The following DIAPH2 variants were observed in gnomAD, a reference collection of about 807,000 sequenced individuals.
DIAPH2 encodes the protein protein diaphanous homolog 2.
A neutral mutation model predicts 92.7 loss-of-function variants in DIAPH2; 35 were observed. That is an observed-to-expected ratio of 0.38 (90% CI 0.29 to 0.50). The LOEUF is 0.50. Ranked by LOEUF, DIAPH2 falls within the 20% of genes least tolerant of loss-of-function variation. The probability of loss-of-function intolerance (pLI) is 0.94; values close to 1 mark genes in which losing one functional copy is unlikely to be tolerated. For missense variants in DIAPH2, 701 were observed against 819.5 expected (o/e 0.86, Z 1.77); for synonymous variants, 301 against 280.4 (o/e 1.07, Z -0.73).
intron 26 of DIAPH2, among the ~76,000 whole-genome samples, chrX:97,448,539 C>T (rs1294010387): frequency 8.9e-6 from 1 of 112,007 alleles, no homozygotes; most frequent in Admixed American, 9.5e-5. Context: ...TCAAACCCTC[C>T]TTTTGGAAAA....
chrX:97,385,357 C>CAGGTAGAAACTCACTAAAATGACAAA (rs2069589629), intron 25 of DIAPH2, among the ~76,000 whole-genome samples: 1 of 110,081 alleles, frequency 9.1e-6, no homozygotes, highest in African/African-American at 3.3e-5. Flanking sequence ...CTCAGCCTCC[C>CAGGTAGAAACTCACTAAAATGACAAA]GAGTAGCTGG....
At chrX:97,432,367 C>T (rs2070135802) in intron 26 of DIAPH2, among the ~76,000 whole-genome samples, 1 of 108,823 alleles carries the variant, frequency 9.2e-6, no homozygotes. Context: ...CGATCTCGGC[C>T]CACTGCAACC....
At chrX:97,377,913 G>A (rs768725614) in intron 24 of DIAPH2, among the ~76,000 whole-genome samples, 1 of 108,914 alleles carries the variant, frequency 9.2e-6, no homozygotes, top group South Asian at 3.9e-4. Flanking sequence ...AATTTTAAGT[G>A]TTTTATTTTT....
At chrX:97,293,573 T>A (rs1181477962) in intron 23 of DIAPH2, among the ~76,000 whole-genome samples, 1 of 111,818 alleles carries the variant, frequency 8.9e-6, no homozygotes, top group African/African-American at 3.2e-5. Flanking sequence ...TCTTTATTAT[T>A]ATTTTGTGTA....
chrX:97,036,746 G>A (rs182691768), intron 17 of DIAPH2, among the ~76,000 whole-genome samples: 12 of 111,916 alleles, frequency 1.1e-4, no homozygotes, highest in Admixed American at 2.8e-4. Context: ...AGAGAGAGTC[G>A]ATTGACAAAA....
At chrX:96,817,610 C>T (rs916574459) in intron 4 of DIAPH2, among the ~76,000 whole-genome samples, 2 of 111,278 alleles carry the variant, frequency 1.8e-5, no homozygotes, top group South Asian at 3.9e-4. Flanking sequence ...TTATTTCTCA[C>T]GGTTCTGGAG....
chrX:96,752,463 C>A (rs958700836), intron 3 of DIAPH2, among the ~76,000 whole-genome samples: 14 of 112,132 alleles, frequency 1.2e-4, no homozygotes, highest in African/African-American at 4.5e-4. Context: ...TTTTCAGCTT[C>A]GAGTTTAGAA....
At chrX:97,461,171 C>G (rs1691146548) in intron 26 of DIAPH2, among the ~76,000 whole-genome samples, 1 of 110,370 alleles carries the variant, frequency 9.1e-6, no homozygotes, top group South Asian at 3.9e-4. Context: ...TCGTGTCAGT[C>G]TCTCAGTCTT....
intron 26 of DIAPH2, among the ~76,000 whole-genome samples, chrX:97,587,679 G>T: frequency 8.9e-6 from 1 of 111,820 alleles, no homozygotes; most frequent in East Asian, 2.8e-4. Flanking sequence ...ACTAAAAAAT[G>T]TCATAGTACC....
At chrX:96,738,550 T>A in intron 2 of DIAPH2, 36 bp from the exon 3 acceptor site, 1 of 1,133,066 alleles carries the variant, frequency 8.8e-7, no homozygotes, top group East Asian at 3.0e-5. Flanking sequence ...TTGATCTTTT[T>A]CTCAGGGCTT....
chrX:96,919,304 G>A (rs1033902384), intron 9 of DIAPH2, among the ~76,000 whole-genome samples: 10 of 111,996 alleles, frequency 8.9e-5, no homozygotes, highest in Non-Finnish European at 1.9e-4. Flanking sequence ...AGATATGAAG[G>A]TATTGCTATA....
At chrX:97,187,987 T>G (rs1648783382) in intron 22 of DIAPH2, among the ~76,000 whole-genome samples, 1 of 111,810 alleles carries the variant, frequency 8.9e-6, no homozygotes, top group African/African-American at 3.3e-5. Flanking sequence ...AGTTCTGGAT[T>G]ACTCTGGGTG....
intron 26 of DIAPH2, among the ~76,000 whole-genome samples, chrX:97,460,235 C>T (rs1356185551): frequency 8.9e-6 from 1 of 111,912 alleles, no homozygotes; most frequent in East Asian, 2.8e-4. Flanking sequence ...TAACGAGGCT[C>T]CACCTTAGTG....
At chrX:97,008,828 A>C (rs934571643) in intron 17 of DIAPH2, among the ~76,000 whole-genome samples, 9 of 111,256 alleles carry the variant, frequency 8.1e-5, no homozygotes, top group African/African-American at 2.6e-4. Context: ...GGGGTGATGT[A>C]AATGCTCCTG....
At chrX:96,884,900 A>T (rs1005836154) in intron 5 of DIAPH2, 2 of 1,208,992 alleles carry the variant, frequency 1.7e-6, no homozygotes, top group Non-Finnish European at 2.2e-6. Flanking sequence ...GATGAGAGTC[A>T]CCGCAATTTC....
chrX:96,836,710 TATATA>T (rs1228263836), intron 4 of DIAPH2, among the ~76,000 whole-genome samples: 168 of 25,441 alleles, frequency 6.6e-3, no homozygotes, highest in Non-Finnish European at 9.6e-3. Flanking sequence ...TATATATATA[TATATA>T]TATTTTTTTT....
intron 17 of DIAPH2, among the ~76,000 whole-genome samples, chrX:97,038,491 C>T (rs2066426259): frequency 9.1e-6 from 1 of 109,861 alleles, no homozygotes; most frequent in Admixed American, 9.7e-5. Flanking sequence ...TAAAAGTATT[C>T]CCTTTGTACC....
intron 17 of DIAPH2, among the ~76,000 whole-genome samples, chrX:97,025,867 G>A (rs192463467): frequency 6.3e-5 from 7 of 111,523 alleles, no homozygotes; most frequent in African/African-American, 2.0e-4. Flanking sequence ...CTCCTCCATT[G>A]TGAAAGCTGA....
At chrX:97,367,648 T>A (rs2069393980) in intron 24 of DIAPH2, among the ~76,000 whole-genome samples, 1 of 111,261 alleles carries the variant, frequency 9.0e-6, no homozygotes, top group South Asian at 3.8e-4. Flanking sequence ...CATATACCTA[T>A]AGAGCCAGAA....
Sources: gnomAD v4.1 joint callset for allele counts (sites outside exome capture counted in the v4.1 genomes callset) on GRCh38, gnomAD v4.1.1 for gene constraint, MANE v1.5 for transcripts, NCBI Gene and HGNC (gene_info 2026-07-23, HGNC 2026-07-21) for gene names.